ACMSD: variants seen among roughly 807,000 people sequenced by gnomAD.
ACMSD encodes aminocarboxymuconate semialdehyde decarboxylase.
In ACMSD, 37 loss-of-function variants were observed where a neutral mutation model predicts 45.9. The ratio of observed to expected loss-of-function variants is 0.81; its 90% CI spans 0.62 to 1.06. The LOEUF (loss-of-function observed/expected upper bound fraction) is 1.06. Among genes scored for constraint, ACMSD ranks in the 50% least tolerant of loss-of-function variants. The pLI is 0.00. For synonymous variants in ACMSD, 138 were observed against 148.8 expected, an observed-to-expected ratio of 0.93 and a Z score of 0.53; for missense variants, 434 against 420.9, an observed-to-expected ratio of 1.03 and a Z score of -0.27.
chr2:134,879,360 G>A (rs1041993281), intron 8 of ACMSD, among the ~76,000 whole-genome samples: 3 of 152,086 alleles, frequency 2.0e-5, no homozygotes, highest in Admixed American at 6.6e-5. Flanking sequence ...TCTTTACAAG[G>A]ACCTTTGGTC....
Position 134,855,187 on chromosome 2 carries a change from G to A in ACMSD, c.103-4074G>A, listed in dbSNP as rs77707079. On this transcript the variant is annotated intron_variant, in intron 2 of 9. Coordinates refer to ENST00000356140, the MANE Select transcript of ACMSD (RefSeq NM_138326.3). The stretch of plus-strand genomic sequence containing the variant: ...AACAATCATTAGTGTAAGAAGAAAA[G>A]AAATTTGTTGAAATATTTTAAGCCC... Among the ~76,000 whole-genome samples, 2,630 of 152,256 alleles carry A rather than the reference G, an allele frequency of 0.017. 220 individuals are homozygous for A. In the East Asian group the frequency reaches 0.29, roughly 17 times the overall value.
chr2:134,850,554 C>T (rs1350957467), intron 2 of ACMSD, among the ~76,000 whole-genome samples: 2 of 152,138 alleles, frequency 1.3e-5, no homozygotes, highest in Non-Finnish European at 2.9e-5. Context: ...AGGCGTGAGC[C>T]AACAGGCTTG....
chr2:134,843,614 C>T (rs962238895), intron 1 of ACMSD, among the ~76,000 whole-genome samples: 4 of 152,160 alleles, frequency 2.6e-5, no homozygotes, highest in Non-Finnish European at 4.4e-5. Context: ...TGAGAACCAA[C>T]TGCTGTACCC....
At chr2:134,863,905 C>T (rs1359071051) in intron 5 of ACMSD, among the ~76,000 whole-genome samples, 9 of 152,118 alleles carry the variant, frequency 5.9e-5, no homozygotes, top group Admixed American at 5.9e-4. Flanking sequence ...TTTAATCTTT[C>T]ACTTGGAAGA....
At chr2:134,899,233 A>C (rs916607905) in intron 9 of ACMSD, among the ~76,000 whole-genome samples, 1 of 152,158 alleles carries the variant, frequency 6.6e-6, no homozygotes, top group Non-Finnish European at 1.5e-5. Flanking sequence ...CCCTGCCTTA[A>C]CTATTAAAGA....
chr2:134,852,868 T>A lies in ACMSD; in HGVS notation c.103-6393T>A, dbSNP rs116451522. 8.4e-3 allele frequency among the ~76,000 whole-genome samples: 1,277 copies of A among 151,924 alleles called. 17 individuals are homozygous for A. Among genetic ancestry groups the A allele is most frequent in the African/African-American group, 0.029 (1,220 of 41,454 alleles). On this transcript the variant is annotated intron_variant, in intron 2 of 9. Coordinates refer to ENST00000356140, the MANE Select transcript of ACMSD (RefSeq NM_138326.3). The stretch of plus-strand genomic sequence containing the variant: ...AAATCTGATGGTGAAAGACTGAGTT[T>A]AAAAATACATTTCTGGCTGGGCATG...
At chr2:134,840,338 A>T (rs1341963520) in intron 1 of ACMSD, among the ~76,000 whole-genome samples, 1 of 151,604 alleles carries the variant, frequency 6.6e-6, no homozygotes, top group East Asian at 1.9e-4. Flanking sequence ...AGCATGATCG[A>T]CCCTCCAAGC....
intron 8 of ACMSD, among the ~76,000 whole-genome samples, chr2:134,876,225 A>G (rs1418018472): frequency 1.3e-5 from 2 of 152,158 alleles, no homozygotes; most frequent in African/African-American, 4.8e-5. Flanking sequence ...AACACCCTAC[A>G]CTTAAGCTAC....
intron 8 of ACMSD, among the ~76,000 whole-genome samples, chr2:134,890,828 T>C (rs1559068567): frequency 2.6e-5 from 4 of 152,020 alleles, no homozygotes; most frequent in African/African-American, 9.7e-5. Flanking sequence ...GCAACATTTC[T>C]GTCAGTTTGA....
intron 8 of ACMSD, among the ~76,000 whole-genome samples, chr2:134,895,371 GTT>G: frequency 1.2e-5 from 1 of 82,362 alleles, no homozygotes; most frequent in African/African-American, 4.8e-5. Context: ...ATATATATAT[GTT>G]ACAAAACATT....
chr2:134,866,591 CA>C lies in ACMSD; in HGVS notation c.487-987del, dbSNP rs573619681. On this transcript the variant is annotated intron_variant, in intron 5 of 9. Transcript: ENST00000356140. The stretch of plus-strand genomic sequence containing the variant: ...CCTTGTTGTCCCAGAATTGCTTTTC[CA>C]TTTTAAAAATGCTTATGTACACAAG... Among the ~76,000 whole-genome samples the C allele has an allele frequency of 1.2e-4, 18 of 152,254 alleles. No homozygotes were observed. The East Asian group carries it at 3.5e-3, about 29-fold the overall frequency.
chr2:134,891,619 T>C (rs149868744), intron 8 of ACMSD, among the ~76,000 whole-genome samples: 2 of 152,318 alleles, frequency 1.3e-5, no homozygotes, highest in East Asian at 3.9e-4. Flanking sequence ...AAAATGCTTA[T>C]ACACTGTTGG....
intron 8 of ACMSD, among the ~76,000 whole-genome samples, chr2:134,885,122 G>A (rs929085207): frequency 8.1e-5 from 12 of 148,996 alleles, no homozygotes; most frequent in African/African-American, 2.5e-4. Context: ...CTTGAGCCTC[G>A]GAGGCAGAAG....
At chr2:134,895,524 T>G (rs74265414) in intron 8 of ACMSD, among the ~76,000 whole-genome samples, 2,907 of 151,858 alleles carry the variant, frequency 0.019, 116 homozygotes, top group East Asian at 0.14. Context: ...AGATGTCTTT[T>G]TTTTTTGGCA....
chr2:134,880,271 T>G (rs1422388565), intron 8 of ACMSD, among the ~76,000 whole-genome samples: 1 of 152,082 alleles, frequency 6.6e-6, no homozygotes, highest in African/African-American at 2.4e-5. Context: ...CTTCAAAGAG[T>G]CTAAGGATTT....
Position 134,898,684 on chromosome 2 carries a change from T to C in ACMSD, c.948+245T>C, listed in dbSNP as rs150226104. Reference sequence around the variant, plus strand: ...AGAAAGAAAGTTGTATAGAAGGATATGACAATAAAATATGCCTGCATGTTA... The same window carrying C: ...AGAAAGAAAGTTGTATAGAAGGATACGACAATAAAATATGCCTGCATGTTA... On this transcript the variant is annotated intron_variant, in intron 9 of 9. Coordinates refer to ENST00000356140, the MANE Select transcript of ACMSD (RefSeq NM_138326.3). Among the ~76,000 whole-genome samples, 309 of 152,192 alleles carry C rather than the reference T, an allele frequency of 2.0e-3. 2 individuals are homozygous for C. Among genetic ancestry groups the C allele is most frequent in the African/African-American group, 7.1e-3 (294 of 41,548 alleles).
intron 2 of ACMSD, among the ~76,000 whole-genome samples, chr2:134,849,817 G>A (rs2104825640): frequency 6.6e-6 from 1 of 152,230 alleles, no homozygotes; most frequent in South Asian, 2.1e-4. Flanking sequence ...ATCTGCATGG[G>A]GTGGGAGCAG....
rs189553583 is a variant in ACMSD, at chr2:134,850,618, A to G, written c.102+5341A>G. Among the ~76,000 whole-genome samples the G allele has an allele frequency of 8.5e-5, 13 of 152,122 alleles. No homozygotes were observed. In the East Asian group the frequency reaches 2.3e-3, roughly 27 times the overall value. ...TCACAGCCAAAACTGGCTGAAAGCC[A>G]TTTATCTTGTCCAATACCTTCAAAT... is the stretch of plus-strand genomic sequence containing the variant. On this transcript the variant is annotated intron_variant, in intron 2 of 9. Transcript: ENST00000356140.
intron 1 of ACMSD, among the ~76,000 whole-genome samples, chr2:134,839,565 A>G (rs1313723108): frequency 6.6e-6 from 1 of 152,226 alleles, no homozygotes; most frequent in Non-Finnish European, 1.5e-5. Flanking sequence ...TTTTTATCCC[A>G]AGTGAGGGAA....
Sources: allele counts gnomAD v4.1 joint callset (sites outside exome capture counted in the v4.1 genomes callset), GRCh38; gene constraint gnomAD v4.1.1; transcripts MANE v1.5; gene names NCBI Gene and HGNC (gene_info 2026-07-23, HGNC 2026-07-21).